Variants in BNC2 observed in about 807,000 individuals in gnomAD.
The protein encoded by BNC2 is basonuclin zinc finger protein 2.
A neutral mutation model predicts 76.3 loss-of-function variants in BNC2; 20 were observed. The observed-to-expected ratio is 0.26, with a 90% CI of 0.18 to 0.38. The LOEUF (loss-of-function observed/expected upper bound fraction) is 0.38, where lower values mean the gene tolerates loss of function less well. Among genes scored for constraint, BNC2 ranks in the 10% least tolerant of loss-of-function variants. BNC2 has a pLI of 1.00. For synonymous variants in BNC2, 582 were observed against 514.8 expected (o/e 1.13, Z -1.77); for missense variants, 1,382 against 1,399.8 (o/e 0.99, Z 0.20).
intron 6 of BNC2, among the ~76,000 whole-genome samples, chr9:16,428,082 G>C (rs982133269): frequency 6.6e-6 from 1 of 151,950 alleles, no homozygotes; most frequent in Non-Finnish European, 1.5e-5. Flanking sequence ...ATATAGCTTG[G>C]AGTGCTAATG....
chr9:16,664,892 G>C (rs761770683), intron 3 of BNC2, among the ~76,000 whole-genome samples: 3 of 95,484 alleles, frequency 3.1e-5, no homozygotes, highest in Non-Finnish European at 6.5e-5. Flanking sequence ...TGCTGATGCT[G>C]CCTACACCCT....
rs928492032 is a variant in BNC2 at position 16,417,955 on chromosome 9, G to A, written c.*1034C>T. 8 of 152,652 alleles carry A rather than the reference G, an allele frequency of 5.2e-5. No homozygotes were observed. Among genetic ancestry groups the A allele is most frequent in the Admixed American group, 1.3e-4 (2 of 15,284 alleles). The allele number at this position is 152,652 out of a possible 1,614,324, so 9.5% of individuals were successfully genotyped here. ...ACAAATTGGCCTGTGGTTATGTTGA[G>A]TGACTAATTGTATTTTCTTTTCTGG... On this transcript the variant is annotated 3_prime_UTR_variant, in exon 7 of 7. Coordinates refer to ENST00000380672, the MANE Select transcript of BNC2 (RefSeq NM_017637.6).
chr9:16,680,359 G>A (rs1375076783), intron 3 of BNC2, among the ~76,000 whole-genome samples: 1 of 151,848 alleles, frequency 6.6e-6, no homozygotes, highest in Non-Finnish European at 1.5e-5. Flanking sequence ...TTTTTCCTCA[G>A]TACGGGAATT....
intron 3 of BNC2, among the ~76,000 whole-genome samples, chr9:16,696,728 T>C (rs1320416220): frequency 6.6e-6 from 1 of 152,196 alleles, no homozygotes; most frequent in East Asian, 1.9e-4. Context: ...AGTGACACAA[T>C]GTTACAAATA....
chr9:16,714,002 C>T (rs965553827), intron 3 of BNC2, among the ~76,000 whole-genome samples: 7 of 152,262 alleles, frequency 4.6e-5, no homozygotes, highest in African/African-American at 1.2e-4. Context: ...TGCGCCTGGG[C>T]GGGAGAGGTG....
chr9:16,709,164 G>A (rs967787473), intron 3 of BNC2, among the ~76,000 whole-genome samples: 10 of 152,044 alleles, frequency 6.6e-5, no homozygotes, highest in African/African-American at 2.4e-4. Flanking sequence ...GGTGGGGGTG[G>A]CAGCAAGGAG....
At chr9:16,767,252 GTAGGCATGCAATGAGTAT>G (rs1825720991) in intron 1 of BNC2, among the ~76,000 whole-genome samples, 1 of 152,204 alleles carries the variant, frequency 6.6e-6, no homozygotes, top group Non-Finnish European at 1.5e-5. Context: ...CCAACACTCA[GTAGGCATGCAATGAGTAT>G]TAAACTGAAA....
intron 5 of BNC2, among the ~76,000 whole-genome samples, chr9:16,547,073 T>C (rs952057420): frequency 6.6e-6 from 1 of 152,246 alleles, no homozygotes; most frequent in Admixed American, 6.5e-5. Flanking sequence ...AAGTCACTTA[T>C]TTGAGCCTCA....
chr9:16,840,941 A>T (rs567012164), intron 1 of BNC2, among the ~76,000 whole-genome samples: 10 of 152,310 alleles, frequency 6.6e-5, no homozygotes, highest in Admixed American at 3.3e-4. Flanking sequence ...TAACAAAATC[A>T]GCTTTTTTGA....
chr9:16,716,269 T>C (rs1823993104), intron 3 of BNC2, among the ~76,000 whole-genome samples: 1 of 152,214 alleles, frequency 6.6e-6, no homozygotes, highest in Non-Finnish European at 1.5e-5. Flanking sequence ...GCATGACTAT[T>C]ATCACAGCAA....
chr9:16,532,645 T>C (rs1818018342), intron 5 of BNC2, among the ~76,000 whole-genome samples: 1 of 152,124 alleles, frequency 6.6e-6, no homozygotes, highest in South Asian at 2.1e-4. Context: ...ATGAAAAAAA[T>C]TAAAAACAAT....
At chr9:16,691,781 T>C (rs1390043262) in intron 3 of BNC2, among the ~76,000 whole-genome samples, 4 of 150,078 alleles carry the variant, frequency 2.7e-5, no homozygotes, top group Non-Finnish European at 5.9e-5. Context: ...AGTGCTGGGA[T>C]TACAGGCATG....
At chr9:16,831,365 T>TCA (rs1818574015) in intron 1 of BNC2, among the ~76,000 whole-genome samples, 3 of 152,234 alleles carry the variant, frequency 2.0e-5, no homozygotes, top group Admixed American at 2.0e-4. Context: ...ATCTTGGCAT[T>TCA]CAACCAATAA....
chr9:16,598,687 T>A (rs1820161047), intron 3 of BNC2, among the ~76,000 whole-genome samples: 1 of 152,170 alleles, frequency 6.6e-6, no homozygotes, highest in Non-Finnish European at 1.5e-5. Context: ...GAAAAGCATA[T>A]GTTCCCCTCC....
chr9:16,435,411 C>T, intron 6 of BNC2, 144 bp downstream of exon 6: 1 of 989,182 alleles, frequency 1.0e-6, no homozygotes, highest in East Asian at 2.5e-5. Flanking sequence ...AGCATGGCAG[C>T]CTAGTTATCA....
intron 5 of BNC2, among the ~76,000 whole-genome samples, chr9:16,455,511 C>T (rs1456480947): frequency 6.6e-6 from 1 of 152,062 alleles, no homozygotes; most frequent in Non-Finnish European, 1.5e-5. Context: ...GAAATATTGG[C>T]CGGGCGTGAT....
chr9:16,741,991 G>A (rs377585530), intron 1 of BNC2, among the ~76,000 whole-genome samples: 2 of 141,090 alleles, frequency 1.4e-5, no homozygotes, highest in African/African-American at 5.1e-5. Flanking sequence ...ACAACAACAC[G>A]TATACCTTGA....
At chr9:16,557,084 C>T (rs149337921) in intron 4 of BNC2, among the ~76,000 whole-genome samples, 22 of 152,156 alleles carry the variant, frequency 1.4e-4, no homozygotes, top group African/African-American at 5.3e-4. Context: ...GCCAATGGCG[C>T]TGTGGAAAAG....
intron 3 of BNC2, among the ~76,000 whole-genome samples, chr9:16,636,783 C>T (rs895554277): frequency 3.9e-5 from 6 of 152,176 alleles, no homozygotes; most frequent in African/African-American, 1.4e-4. Context: ...TGGAATTCTA[C>T]ATCTCACCAG....
Sources: gnomAD v4.1 joint callset for allele counts (sites outside exome capture counted in the v4.1 genomes callset) on GRCh38, gnomAD v4.1.1 for gene constraint, MANE v1.5 for transcripts, NCBI Gene and HGNC (gene_info 2026-07-23, HGNC 2026-07-21) for gene names.